The following DTD1 variants were observed in gnomAD, a reference collection of about 807,000 sequenced individuals.
DTD1 encodes D-tyrosyl-tRNA deacylase 1 homolog.
DTD1 carries 13 observed loss-of-function variants against 25.6 expected under a neutral mutation model. That is an observed-to-expected ratio of 0.51 (90% confidence interval 0.33 to 0.81). The LOEUF is 0.81. DTD1 is among the 30% of genes least tolerant of loss of function. DTD1 has a pLI of 0.02. For synonymous variants in DTD1, 110 were observed against 103.6 expected, an observed-to-expected ratio of 1.06 and a Z score of -0.37; for missense variants, 193 against 266.4, an observed-to-expected ratio of 0.72 and a Z score of 1.92.
chr20:18,619,822 C>T (rs904385405), intron 3 of DTD1, among the ~76,000 whole-genome samples: 2 of 152,120 alleles, frequency 1.3e-5, no homozygotes, highest in African/African-American at 2.4e-5. Context: ...GAACACTTAT[C>T]TTTTTCTTCA....
chr20:18,607,294 T>G (rs1482481756), intron 3 of DTD1, among the ~76,000 whole-genome samples: 1 of 151,992 alleles, frequency 6.6e-6, no homozygotes, highest in African/African-American at 2.4e-5. Context: ...CCTGAGTAGC[T>G]GGGATCCAGG....
chr20:18,606,202 G>A (rs945584394), intron 3 of DTD1, among the ~76,000 whole-genome samples: 84 of 149,438 alleles, frequency 5.6e-4, no homozygotes, highest in Non-Finnish European at 9.8e-4. Context: ...AGCCATCAGA[G>A]AAATGCAAAT....
intron 4 of DTD1, among the ~76,000 whole-genome samples, chr20:18,708,394 C>T (rs2061144505): frequency 7.7e-6 from 1 of 129,458 alleles, no homozygotes; most frequent in South Asian, 2.4e-4. Context: ...CTCACTCTGT[C>T]GCCCAGGCTG....
chr20:18,756,173 G>A (rs1429675058), intron 5 of DTD1, among the ~76,000 whole-genome samples: 15 of 152,232 alleles, frequency 9.9e-5, no homozygotes, highest in Admixed American at 6.5e-4. Flanking sequence ...GATATTAGCC[G>A]TTTCTCAGTT....
intron 5 of DTD1, 49 bp from the exon 6 acceptor site, chr20:18,763,311 G>A (rs1184034821): frequency 6.6e-6 from 1 of 152,610 alleles, no homozygotes; most frequent in Non-Finnish European, 1.5e-5. Flanking sequence ...GAATCTGAAG[G>A]CAAACATTGG....
At chr20:18,699,502 G>A (rs770654071) in intron 4 of DTD1, among the ~76,000 whole-genome samples, 1 of 152,170 alleles carries the variant, frequency 6.6e-6, no homozygotes, top group Non-Finnish European at 1.5e-5. Flanking sequence ...GGGGAGGTCC[G>A]GCCTTCAAGT....
At position 18,725,307 on chromosome 20, in the gene DTD1, G is replaced by A. The variant is rs776175452; in HGVS notation, c.478-18793G>A. ...TAACTGGAGTGGCACACTGATGGGCGTGTCTGATGGAAAGCTGCTTCCACC... is the reference window on the plus strand; with the variant it reads ...TAACTGGAGTGGCACACTGATGGGCATGTCTGATGGAAAGCTGCTTCCACC... On this transcript the variant is annotated intron_variant, in intron 4 of 5. Transcript: ENST00000377452. Among the ~76,000 whole-genome samples the A allele has an allele frequency of 5.9e-5, 9 of 152,300 alleles. No individual in the cohort carries two copies. In the South Asian group the frequency reaches 8.3e-4, roughly 14 times the overall value.
At chr20:18,718,521 C>T (rs949346660) in intron 4 of DTD1, among the ~76,000 whole-genome samples, 1 of 152,160 alleles carries the variant, frequency 6.6e-6, no homozygotes, top group Non-Finnish European at 1.5e-5. Flanking sequence ...TTTAGGGCAA[C>T]AATCATCTGT....
intron 3 of DTD1, among the ~76,000 whole-genome samples, chr20:18,618,526 G>C (rs1394982685): frequency 2.7e-5 from 4 of 147,640 alleles, no homozygotes; most frequent in African/African-American, 1.0e-4. Context: ...AGCTAATATA[G>C]ATATAAAAAT....
intron 4 of DTD1, among the ~76,000 whole-genome samples, chr20:18,730,415 C>T (rs2061236013): frequency 6.6e-6 from 1 of 152,188 alleles, no homozygotes; most frequent in Admixed American, 6.5e-5. Flanking sequence ...AATTTATACT[C>T]CTATCACCAA....
chr20:18,660,970 T>A (rs1262512615), intron 4 of DTD1, among the ~76,000 whole-genome samples: 1 of 152,228 alleles, frequency 6.6e-6, no homozygotes. Flanking sequence ...ACCTTTAGGC[T>A]GAGGTTCATT....
intron 4 of DTD1, among the ~76,000 whole-genome samples, chr20:18,715,530 A>G (rs2061176761): frequency 6.6e-6 from 1 of 152,186 alleles, no homozygotes; most frequent in African/African-American, 2.4e-5. Flanking sequence ...TGGGATGGCC[A>G]TCGACTGAGA....
intron 4 of DTD1, among the ~76,000 whole-genome samples, chr20:18,677,229 C>A (rs910920223): frequency 6.6e-6 from 1 of 151,748 alleles, no homozygotes; most frequent in Admixed American, 6.6e-5. Flanking sequence ...TTCTACAGAC[C>A]GAAAGAAAAC....
chr20:18,589,742 T>A (rs533739718), intron 1 of DTD1, among the ~76,000 whole-genome samples: 133 of 152,340 alleles, frequency 8.7e-4, no homozygotes, highest in African/African-American at 2.9e-3. Context: ...ATCCTGCTAA[T>A]CTGGAATATT....
chr20:18,618,670 T>TACACAC (rs1396294369), intron 3 of DTD1, among the ~76,000 whole-genome samples: 1 of 110,822 alleles, frequency 9.0e-6, no homozygotes, highest in Non-Finnish European at 1.8e-5. Context: ...TACATAATTT[T>TACACAC]ATACACACAC....
intron 3 of DTD1, among the ~76,000 whole-genome samples, chr20:18,623,154 T>C (rs6081251): frequency 0.31 from 47,729 of 151,774 alleles, 8,205 homozygotes; most frequent in South Asian, 0.42. Context: ...TTAGCCAGGA[T>C]GGTCTCGATC....
At chr20:18,626,618 T>A (rs1183731383) in intron 3 of DTD1, among the ~76,000 whole-genome samples, 1 of 152,178 alleles carries the variant, frequency 6.6e-6, no homozygotes, top group Non-Finnish European at 1.5e-5. Context: ...TTATTTTCTC[T>A]GGTTAGTATA....
At chr20:18,747,137 T>C (rs948663827) in intron 5 of DTD1, among the ~76,000 whole-genome samples, 2 of 152,178 alleles carry the variant, frequency 1.3e-5, no homozygotes, top group African/African-American at 4.8e-5. Context: ...AGAGGTGAAA[T>C]GTGCTAAGTG....
intron 4 of DTD1, among the ~76,000 whole-genome samples, chr20:18,717,364 T>A (rs1293339204): frequency 1.3e-5 from 2 of 152,248 alleles, no homozygotes; most frequent in African/African-American, 4.8e-5. Context: ...TACATGTGTT[T>A]ACATTTTTCT....
Sources: allele counts gnomAD v4.1 joint callset (sites outside exome capture counted in the v4.1 genomes callset), GRCh38; gene constraint gnomAD v4.1.1; transcripts MANE v1.5; gene names NCBI Gene and HGNC (gene_info 2026-07-23, HGNC 2026-07-21).